The following AP1M1 variants were observed in gnomAD, a reference collection of about 807,000 sequenced individuals.
The protein encoded by AP1M1 is AP-1 complex subunit mu-1.
AP1M1 carries 18 observed loss-of-function variants against 57.1 expected under a neutral mutation model. The ratio of observed to expected loss-of-function variants is 0.32; its 90% CI spans 0.22 to 0.47. The LOEUF (loss-of-function observed/expected upper bound fraction) is 0.47. Among genes scored for constraint, AP1M1 ranks in the 20% least tolerant of loss-of-function variants. The pLI, the probability that AP1M1 is intolerant of heterozygous loss-of-function variation, is 1.00. For missense variants in AP1M1, 362 were observed against 593.5 expected (o/e 0.61, Z 4.05); for synonymous variants, 241 against 237.9 (o/e 1.01, Z -0.12).
intron 2 of AP1M1, among the ~76,000 whole-genome samples, chr19:16,204,330 C>T (rs1202196689): frequency 6.6e-6 from 1 of 152,144 alleles, no homozygotes; most frequent in African/African-American, 2.4e-5. Context: ...TCTAACTGGC[C>T]ACCCCACAGC....
At chr19:16,224,733 A>G (rs1023404406) in intron 5 of AP1M1, among the ~76,000 whole-genome samples, 1 of 151,876 alleles carries the variant, frequency 6.6e-6, no homozygotes, top group African/African-American at 2.4e-5. Flanking sequence ...GCCAGTCCCA[A>G]CTCCCTGAGG....
chr19:16,229,031 C>T, intron 9 of AP1M1, 103 bp downstream of exon 9: 1 of 1,357,458 alleles, frequency 7.4e-7, no homozygotes, highest in Admixed American at 2.0e-5. Flanking sequence ...GTGACAGTGG[C>T]CACTGTGTCT....
At chr19:16,216,507 G>T (rs908931553) in intron 5 of AP1M1, among the ~76,000 whole-genome samples, 5 of 152,050 alleles carry the variant, frequency 3.3e-5, no homozygotes, top group African/African-American at 1.2e-4. Context: ...AGGACACTCT[G>T]GTTATTTGAG....
chr19:16,215,897 G>A (rs1043181642), intron 5 of AP1M1, among the ~76,000 whole-genome samples: 12 of 152,146 alleles, frequency 7.9e-5, no homozygotes, highest in East Asian at 3.9e-4. Flanking sequence ...TCATCTGACT[G>A]TCTTATTTCA....
In AP1M1 at chr19:16,206,917, C is replaced by T. The variant is rs1041323031; in HGVS notation, c.267+509C>T. On this transcript the variant is annotated intron_variant, in intron 3 of 11. Coordinates refer to ENST00000291439, the MANE Select transcript of AP1M1 (RefSeq NM_032493.4). The surrounding 1 kb of genome is among the most constrained non-coding windows in gnomAD (Gnocchi z 4.3). ...TGTATGTGTGGTGCAGCTAGGGAGG[C>T]CAGCGTGCGTGTGGCAGAGTATGAG... Among the ~76,000 whole-genome samples the T allele has an allele frequency of 3.3e-5, 5 of 152,070 alleles. No homozygotes were observed. Among genetic ancestry groups the T allele is most frequent in the Admixed American group, 2.6e-4 (4 of 15,270 alleles).
intron 1 of AP1M1, 136 bp downstream of exon 1, chr19:16,198,204 C>A: frequency 1.2e-6 from 1 of 862,250 alleles, no homozygotes; most frequent in Non-Finnish European, 1.7e-6. Flanking sequence ...TAGACCTCAC[C>A]TGAGAGCCCC....
At chr19:16,216,080 A>T (rs35390846) in intron 5 of AP1M1, among the ~76,000 whole-genome samples, 1 of 152,094 alleles carries the variant, frequency 6.6e-6, no homozygotes, top group South Asian at 2.1e-4. Flanking sequence ...GTTTTATTAT[A>T]ATTCTTAGCC....
intron 10 of AP1M1, 123 bp downstream of exon 10, chr19:16,233,741 G>A: frequency 7.6e-7 from 1 of 1,310,890 alleles, no homozygotes. Context: ...CTGTGCTGTG[G>A]GCCTCTGCCT....
chr19:16,200,984 G>A (rs1007060086), intron 1 of AP1M1, among the ~76,000 whole-genome samples: 7 of 152,214 alleles, frequency 4.6e-5, no homozygotes, highest in South Asian at 2.1e-4. Flanking sequence ...CATTTCTCTG[G>A]AGATCTAGTG....
At position 16,199,428 on chromosome 19, in the gene AP1M1, C is replaced by T. The variant is rs543689816; in HGVS notation, c.42+1360C>T. ...TCCATCCCAGGTGCAAGGCAGGTGG[C>T]TGCCTGGCCTGTTGCATGTGGAAGC... On this transcript the variant is annotated intron_variant, in intron 1 of 11. Coordinates refer to ENST00000291439, the MANE Select transcript of AP1M1 (RefSeq NM_032493.4). Among the ~76,000 whole-genome samples, 4 of 152,338 alleles carry T rather than the reference C, an allele frequency of 2.6e-5. No homozygotes were observed. The East Asian group carries it at 7.7e-4, about 29-fold the overall frequency.
chr19:16,202,246 C>G (rs192673939), intron 1 of AP1M1, among the ~76,000 whole-genome samples: 1 of 152,174 alleles, frequency 6.6e-6, no homozygotes, highest in African/African-American at 2.4e-5. Context: ...TGGTCAGCGC[C>G]GCAATGGCCT....
chr19:16,228,235 G>C lies in AP1M1; in HGVS notation c.888+27G>C, dbSNP rs200438180. ...TGCGTGGGCCGAGGCCACCCACTGA[G>C]GGCCTTCTGGTGTCTCTGGCCCGTC... On this transcript the variant is annotated intron_variant, in intron 8 of 11. Transcript: ENST00000291439. This position sits in a 1 kb window ranked among gnomAD's most constrained non-coding sequence, Gnocchi z 5.0. 6.2e-7 allele frequency: 1 copy of C among 1,610,068 alleles called. No homozygotes were observed. Among genetic ancestry groups the C allele is most frequent in the Non-Finnish European group, 8.5e-7 (1 of 1,178,424 alleles).
rs1282593798 is a variant in AP1M1 at position 16,206,264 on chromosome 19, G to A, written c.200-77G>A. 25 of 1,469,294 alleles carry A rather than the reference G, an allele frequency of 1.7e-5. No individual in the cohort carries two copies. The highest frequency in any genetic ancestry group is 2.3e-5 in the Non-Finnish European group (24 of 1,051,932). The allele number at this position is 1,469,294 out of a possible 1,614,324, so 91.0% of individuals were successfully genotyped here. On this transcript the variant is annotated intron_variant, in intron 2 of 11. Coordinates refer to ENST00000291439, the MANE Select transcript of AP1M1 (RefSeq NM_032493.4). This position sits in a 1 kb window ranked among gnomAD's most constrained non-coding sequence, Gnocchi z 4.3. The stretch of plus-strand genomic sequence containing the variant: ...GGCTCTGAGGGTTGTGAGGGTTAGG[G>A]GGTCCCTCCATGAACCAGGATCTTC...
At chr19:16,213,291 T>C (rs1489194573) in intron 5 of AP1M1, among the ~76,000 whole-genome samples, 1 of 152,216 alleles carries the variant, frequency 6.6e-6, no homozygotes, top group Non-Finnish European at 1.5e-5. Context: ...TGCATATTTA[T>C]TTAGGTTAGT....
In AP1M1 at chr19:16,228,261, C is replaced by G. The variant is rs1271201139; in HGVS notation, c.888+53C>G. 41 of 1,577,834 alleles carry G rather than the reference C, an allele frequency of 2.6e-5. No homozygotes were observed. Among genetic ancestry groups the G allele is most frequent in the Non-Finnish European group, 1.4e-5 (16 of 1,153,578 alleles). On this transcript the variant is annotated intron_variant, in intron 8 of 11. Coordinates refer to ENST00000291439, the MANE Select transcript of AP1M1 (RefSeq NM_032493.4). This position sits in a 1 kb window ranked among gnomAD's most constrained non-coding sequence, Gnocchi z 5.0. ...GGCCTTCTGGTGTCTCTGGCCCGTC[C>G]CAGGAGCCTAACCGAGGGCTGGGGG...
intron 9 of AP1M1, among the ~76,000 whole-genome samples, chr19:16,231,368 C>T (rs1162599720): frequency 6.7e-6 from 1 of 148,378 alleles, no homozygotes; most frequent in Non-Finnish European, 1.5e-5. Flanking sequence ...TTCCCCCTTT[C>T]TTAGATTGCT....
intron 1 of AP1M1, chr19:16,198,278 A>C: frequency 4.7e-5 from 16 of 340,932 alleles, no homozygotes; most frequent in Non-Finnish European, 6.9e-5. Flanking sequence ...TTGCTACGTA[A>C]CGCGGTGGGC....
Position 16,231,287 on chromosome 19 carries a change from C to CAA in AP1M1, c.1048-2184_1048-2183dup, listed in dbSNP as rs1231125818. On this transcript the variant is annotated intron_variant, in intron 9 of 11. Coordinates refer to ENST00000291439, the MANE Select transcript of AP1M1 (RefSeq NM_032493.4). Reference sequence around the variant, plus strand: ...TGGGCAACAGAGCAAGACTCTGTCTCAAAAAAAAAAAAAAAAAAAAAAACA... The same window carrying CAA: ...TGGGCAACAGAGCAAGACTCTGTCTCAAAAAAAAAAAAAAAAAAAAAAAAACA... Among the ~76,000 whole-genome samples, 502 of 114,712 alleles carry CAA rather than the reference C, an allele frequency of 4.4e-3. 1 individual carries two copies. Among genetic ancestry groups the CAA allele is most frequent in the African/African-American group, 5.8e-3 (134 of 23,134 alleles). The allele number at this position is 114,712 out of a possible 152,430, so 75.3% of individuals were successfully genotyped here.
chr19:16,201,388 CTTTTTTTTTTTTTT>C (rs57467734), intron 1 of AP1M1, among the ~76,000 whole-genome samples: 4 of 62,374 alleles, frequency 6.4e-5, no homozygotes, highest in Admixed American at 1.9e-4. Context: ...GGGAGGATTT[CTTTTTTTTTTTTTT>C]TTTTTTTTTT....
Sources: gnomAD v4.1 joint callset for allele counts (sites outside exome capture counted in the v4.1 genomes callset) on GRCh38, gnomAD v4.1.1 for gene constraint, Gnocchi (gnomAD v3.1) non-coding constraint, MANE v1.5 for transcripts, NCBI Gene and HGNC (gene_info 2026-07-23, HGNC 2026-07-21) for gene names.